ACVRL1: variants seen among roughly 807,000 people sequenced by gnomAD.
The protein encoded by ACVRL1 is activin receptor type-1-like.
In ACVRL1, 20 loss-of-function variants were observed where a neutral mutation model predicts 51.9. The ratio of observed to expected loss-of-function variants is 0.39; its 90% CI spans 0.27 to 0.56. The LOEUF (loss-of-function observed/expected upper bound fraction) is 0.56, where lower values mean the gene tolerates loss of function less well. Ranked by LOEUF, ACVRL1 falls within the 20% of genes least tolerant of loss-of-function variation. ACVRL1 has a pLI of 0.67. For synonymous variants in ACVRL1, 288 were observed against 280.9 expected, an observed-to-expected ratio of 1.03 and a Z score of -0.25; for missense variants, 451 against 670.3, an observed-to-expected ratio of 0.67 and a Z score of 3.61.
Position 51,919,573 on chromosome 12 carries a change from T to C in ACVRL1, c.1377+458T>C, listed in dbSNP as rs374498189. Among the ~76,000 whole-genome samples, 7 of 152,230 alleles carry C rather than the reference T, an allele frequency of 4.6e-5. No individual in the cohort carries two copies. The South Asian group carries it at 1.0e-3, about 23-fold the overall frequency. On this transcript the variant is annotated intron_variant, in intron 9 of 9. Transcript: ENST00000388922. ...ACACCTGGCTAATTTTTAAAATTTT[T>C]TGTAGAGACAAGGTCTTTTATGTTG...
chr12:51,911,384 C>CT (rs1306268282), intron 1 of ACVRL1, among the ~76,000 whole-genome samples: 6 of 152,192 alleles, frequency 3.9e-5, no homozygotes, highest in Non-Finnish European at 5.9e-5. Flanking sequence ...CATTCAGTGT[C>CT]TAAGTGTGTT....
At chr12:51,918,466 A>G (rs1350953570) in intron 8 of ACVRL1, among the ~76,000 whole-genome samples, 1 of 152,188 alleles carries the variant, frequency 6.6e-6, no homozygotes, top group African/African-American at 2.4e-5. Context: ...AGCTCTTAGG[A>G]CAGCACCTGG....
chr12:51,920,360 C>T (rs1044688728), intron 9 of ACVRL1, among the ~76,000 whole-genome samples: 1 of 152,168 alleles, frequency 6.6e-6, no homozygotes, highest in Non-Finnish European at 1.5e-5. Flanking sequence ...TCCTATGGAT[C>T]TTGGCAAAGG....
chr12:51,920,652 C>G lies in ACVRL1; in HGVS notation c.1378-107C>G, dbSNP rs537317726. 169 of 1,303,288 alleles carry G rather than the reference C, an allele frequency of 1.3e-4. 2 individuals carry two copies. In the African/African-American group the frequency reaches 2.4e-3, roughly 19 times the overall value. 80.7% of individuals were successfully genotyped at this position (1,303,288 alleles called of 1,614,324 possible). The stretch of plus-strand genomic sequence containing the variant: ...ACCGGCCATCCTCCTCATCTTCTTC[C>G]CATCTTCTCTGACCCACCTCCCTCT... On this transcript the variant is annotated intron_variant, in intron 9 of 9. Transcript: ENST00000388922.
intron 9 of ACVRL1, among the ~76,000 whole-genome samples, chr12:51,919,542 A>C (rs1378564911): frequency 6.6e-6 from 1 of 152,004 alleles, no homozygotes; most frequent in African/African-American, 2.4e-5. Context: ...TGTAGTGCAC[A>C]CCACCACACC....
rs756447582 is a variant in ACVRL1, at chr12:51,913,275, C to T, written c.238C>T (p.Arg80Cys). 3.7e-6 allele frequency: 6 copies of T among 1,601,098 alleles called. No individual in the cohort carries two copies. Among genetic ancestry groups the T allele is most frequent in the South Asian group, 1.1e-5 (1 of 89,058 alleles). Residue 80 changes from arginine (R) to cysteine (C), a missense_variant, in exon 3 of 10, where the codon CGC becomes TGC. Physicochemically the swap from Arg to Cys is radical, Grantham distance 180 (BLOSUM62 -3). Coordinates refer to ENST00000388922, the MANE Select transcript of ACVRL1 (RefSeq NM_000020.3). ...CTTGCACAGGGAGCTCTGCAGGGGG[C>T]GCCCCACCGAGTTCGTCAACCACTA... is the stretch of plus-strand genomic sequence containing the variant. ...GNLHRELCRG[R>C]PTEFVNHYCC...
rs1565594670 is a variant in ACVRL1, at chr12:51,915,700, G to T, written c.1048+200G>T. On this transcript the variant is annotated intron_variant, in intron 7 of 9. Coordinates refer to ENST00000388922, the MANE Select transcript of ACVRL1 (RefSeq NM_000020.3). ...AGATTCCTTCCACCATACCATCCTG[G>T]CTCCAGGAGTTGGGAGAAAGGAGGC... 2.1e-5 allele frequency: 17 copies of T among 802,514 alleles called. No homozygotes were observed. The South Asian group carries it at 3.0e-4, about 14-fold the overall frequency. 49.7% of individuals were successfully genotyped at this position (802,514 alleles called of 1,614,324 possible).
intron 7 of ACVRL1, chr12:51,915,746 C>G: frequency 4.5e-6 from 3 of 673,366 alleles, no homozygotes; most frequent in Non-Finnish European, 7.4e-6. Flanking sequence ...AACCTGGGTT[C>G]TCATCCTGGT....
At chr12:51,909,951 A>G (rs953943984) in intron 1 of ACVRL1, among the ~76,000 whole-genome samples, 1 of 152,170 alleles carries the variant, frequency 6.6e-6, no homozygotes, top group Non-Finnish European at 1.5e-5. Context: ...ATCTTTCACA[A>G]AGTTTTGCTT....
chr12:51,907,974 C>T lies in ACVRL1; in HGVS notation c.-6+279C>T, dbSNP rs1028750544. Among the ~76,000 whole-genome samples, 1 of 152,192 alleles carries T rather than the reference C, an allele frequency of 6.6e-6. No individual in the cohort carries two copies. Among genetic ancestry groups the T allele is most frequent in the Non-Finnish European group, 1.5e-5 (1 of 68,022 alleles). Reference sequence around the variant, plus strand: ...GACTTCACTTCTCTGTTCTCCTACCCTCTTCATAAAATGGGCAGTGGGATT... The same window carrying T: ...GACTTCACTTCTCTGTTCTCCTACCTTCTTCATAAAATGGGCAGTGGGATT... On this transcript the variant is annotated intron_variant, in intron 1 of 9. Coordinates refer to ENST00000388922, the MANE Select transcript of ACVRL1 (RefSeq NM_000020.3). This position sits in a 1 kb window ranked among gnomAD's most constrained non-coding sequence, Gnocchi z 4.5.
intron 2 of ACVRL1, 58 bp from the exon 3 acceptor site, chr12:51,913,041 C>A: frequency 6.4e-7 from 1 of 1,574,212 alleles, no homozygotes; most frequent in South Asian, 1.2e-5. Context: ...AAATGGGTGT[C>A]GGGCTCAGCC....
chr12:51,917,513 G>GA lies in ACVRL1; in HGVS notation c.1246+1281dup, dbSNP rs771856186. Reference sequence around the variant, plus strand: ...GCTGTCCATGGTGAGGGACTTCCAGGAGTCGTGACAGGTTGGGGACAATCC... The same window carrying GA: ...GCTGTCCATGGTGAGGGACTTCCAGGAAGTCGTGACAGGTTGGGGACAATCC... On this transcript the variant is annotated intron_variant, in intron 8 of 9. Transcript: ENST00000388922. The surrounding 1 kb of genome is among the most constrained non-coding windows in gnomAD (Gnocchi z 4.2). Among the ~76,000 whole-genome samples the GA allele has an allele frequency of 1.1e-4, 17 of 152,204 alleles. No homozygotes were observed. The highest frequency in any genetic ancestry group is 4.4e-5 in the Non-Finnish European group (3 of 68,036).
chr12:51,920,919 C>A lies in ACVRL1; in HGVS notation c.*26C>A. 1 of 728,930 alleles carries A rather than the reference C, an allele frequency of 1.4e-6. No individual in the cohort carries two copies. 45.2% of individuals were successfully genotyped at this position (728,930 alleles called of 1,614,324 possible). Reference sequence around the variant, plus strand: ...CCCAGGAGCACCTGATTCCTTTCTGCCTGCAGGGGGCTGGGGGGGTGGGGG... The same window carrying A: ...CCCAGGAGCACCTGATTCCTTTCTGACTGCAGGGGGCTGGGGGGGTGGGGG... On this transcript the variant is annotated 3_prime_UTR_variant, in exon 10 of 10. Transcript: ENST00000388922.
chr12:51,913,984 A>T lies in ACVRL1; in HGVS notation c.536A>T (p.Asp179Val). The T allele has an allele frequency of 1.2e-6, 2 of 1,613,558 alleles. No homozygotes were observed. The highest frequency in any genetic ancestry group is 8.5e-7 in the Non-Finnish European group (1 of 1,179,782). The change falls in exon 5 of 10, where the codon GAC (aspartate) becomes GTC (valine). Residue 179 changes from aspartate (D) to valine (V), a missense_variant. Physicochemically the swap from Asp to Val is radical, Grantham distance 152. Coordinates refer to ENST00000388922, the MANE Select transcript of ACVRL1 (RefSeq NM_000020.3). The part of the protein sequence containing the change: ...QGDSMLGDLL[D>V]SDCTTGSGSG... The stretch of plus-strand genomic sequence containing the variant: ...TCTCCGTACCCCCAGGACCTCCTGG[A>T]CAGTGACTGCACCACAGGGAGTGGC...
chr12:51,919,988 T>C (rs1176265476), intron 9 of ACVRL1, among the ~76,000 whole-genome samples: 1 of 152,184 alleles, frequency 6.6e-6, no homozygotes, highest in Admixed American at 6.5e-5. Flanking sequence ...AAAGAATGAA[T>C]ATATTCTATA....
chr12:51,916,270 A>G, intron 8 of ACVRL1, 37 bp downstream of exon 8: 5 of 1,604,354 alleles, frequency 3.1e-6, no homozygotes, highest in Non-Finnish European at 4.3e-6. Flanking sequence ...GGAAAGGGGA[A>G]TCAGCCTGTG....
chr12:51,920,558 C>G (rs928552208), intron 9 of ACVRL1, among the ~76,000 whole-genome samples: 1 of 152,184 alleles, frequency 6.6e-6, no homozygotes, highest in South Asian at 2.1e-4. Flanking sequence ...TGTCTTTCCT[C>G]TCGCTCTCCT....
In ACVRL1 at chr12:51,914,439, G is replaced by A; in HGVS notation, c.626G>A (p.Gly209Glu). 6.2e-7 allele frequency: 1 copy of A among 1,614,198 alleles called. No homozygotes were observed. The highest frequency in any genetic ancestry group is 8.5e-7 in the Non-Finnish European group (1 of 1,180,022). The change falls in exon 6 of 10, where the codon GGA (glycine) becomes GAA (glutamate). Residue 209 changes from glycine (G) to glutamate (E), a missense_variant and splice_region_variant. This residue lies in a region of ACVRL1 where 259 missense variants were observed against 453.4 expected (regional missense o/e 0.57). Coordinates refer to ENST00000388922, the MANE Select transcript of ACVRL1 (RefSeq NM_000020.3). ...ARQVALVECV[G>E]KGRYGEVWRG... ...CCTCACCTTCCCCTCTGGCCATCAG[G>A]AAAAGGCCGCTATGGCGAAGTGTGG...
Position 51,917,639 on chromosome 12 carries a change from G to A in ACVRL1, c.1247-1346G>A, listed in dbSNP as rs1388420164. 6.6e-6 allele frequency among the ~76,000 whole-genome samples: 1 copy of A among 152,166 alleles called. No homozygotes were observed. The highest frequency in any genetic ancestry group is 2.4e-5 in the African/African-American group (1 of 41,434). On this transcript the variant is annotated intron_variant, in intron 8 of 9. Coordinates refer to ENST00000388922, the MANE Select transcript of ACVRL1 (RefSeq NM_000020.3). This position sits in a 1 kb window ranked among gnomAD's most constrained non-coding sequence, Gnocchi z 4.2. ...CCATGCCAGACTTCATTTGTCCTCG[G>A]TGGTCATCAACTGAAAACAGAGGCT...
Sources: gnomAD v4.1 joint callset for allele counts (sites outside exome capture counted in the v4.1 genomes callset) on GRCh38, gnomAD v4.1.1 for gene constraint, gnomAD v4.1.1 regional missense constraint, Gnocchi (gnomAD v3.1) non-coding constraint, MANE v1.5 for transcripts, NCBI Gene and HGNC (gene_info 2026-07-23, HGNC 2026-07-21) for gene names.